The following EPB41L4B variants were observed in gnomAD, a reference collection of about 807,000 sequenced individuals.
EPB41L4B encodes band 4.1-like protein 4B.
Under a neutral mutation model 112.5 loss-of-function variants are expected in EPB41L4B, and 30 were observed. The observed-to-expected ratio is 0.27, with a 90% CI of 0.20 to 0.36. EPB41L4B has a LOEUF of 0.36. Among genes scored for constraint, EPB41L4B ranks in the 10% least tolerant of loss-of-function variants. The pLI, the probability that EPB41L4B is intolerant of heterozygous loss-of-function variation, is 1.00. For synonymous variants in EPB41L4B, 408 were observed against 439.7 expected (o/e 0.93, Z 0.90); for missense variants, 1,024 against 1,133.3 (o/e 0.90, Z 1.38).
At chr9:109,187,121 C>T (rs140031282) in intron 22 of EPB41L4B, among the ~76,000 whole-genome samples, 17 of 152,242 alleles carry the variant, frequency 1.1e-4, no homozygotes, top group African/African-American at 4.1e-4. Context: ...AGGGAGGGAC[C>T]ATTTGCTCCA....
At position 109,265,133 on chromosome 9, in the gene EPB41L4B, T is replaced by C. The variant is rs796964034; in HGVS notation, c.534-109A>G. 1.7e-4 allele frequency: 142 copies of C among 859,198 alleles called. No homozygotes were observed. In the African/African-American group the frequency reaches 2.3e-3, roughly 14 times the overall value. 53.2% of individuals were successfully genotyped at this position (859,198 alleles called of 1,614,324 possible). Reference sequence around the variant, plus strand: ...CCACACACAGCATGGAGTTTTGCATTGTAAAAAAGGAGTCCAAATCAAATG... The same window carrying C: ...CCACACACAGCATGGAGTTTTGCATCGTAAAAAAGGAGTCCAAATCAAATG... On this transcript the variant is annotated intron_variant, in intron 4 of 25. Transcript: ENST00000374566.
At position 109,216,946 on chromosome 9, in the gene EPB41L4B, T is replaced by C. The variant is rs376159236; in HGVS notation, c.1609A>G (p.Asn537Asp). Residue 537 changes from asparagine to aspartate, a missense_variant, in exon 16 of 26, where the codon AAC becomes GAC. Coordinates refer to ENST00000374566, the MANE Select transcript of EPB41L4B (RefSeq NM_019114.5). ...ENKEGPLRSP[N>D]SSSKSLTKLS... ...CTTGTAAGGGACTTGCTGCTGGAGTTTGGGGACCTCAGAGGCCCCTCTTTG... is the reference window on the plus strand; with the variant it reads ...CTTGTAAGGGACTTGCTGCTGGAGTCTGGGGACCTCAGAGGCCCCTCTTTG... 1.1e-4 allele frequency: 173 copies of C among 1,614,156 alleles called. 1 individual carries two copies. Among genetic ancestry groups the C allele is most frequent in the Middle Eastern group, 1.6e-4 (1 of 6,062 alleles).
At chr9:109,288,225 A>G (rs548811484) in intron 1 of EPB41L4B, among the ~76,000 whole-genome samples, 5 of 152,286 alleles carry the variant, frequency 3.3e-5, no homozygotes, top group African/African-American at 1.2e-4. Flanking sequence ...ATCCACAAGT[A>G]CCTCACCAGT....
chr9:109,267,234 G>A (rs974160714), intron 4 of EPB41L4B, among the ~76,000 whole-genome samples: 8 of 152,162 alleles, frequency 5.3e-5, no homozygotes, highest in Admixed American at 1.3e-4. Context: ...CAGGGTCCAA[G>A]AAAATAGAAG....
chr9:109,302,096 G>A (rs1342745173), intron 1 of EPB41L4B, among the ~76,000 whole-genome samples: 2 of 152,178 alleles, frequency 1.3e-5, no homozygotes, highest in African/African-American at 2.4e-5. Flanking sequence ...AAGGTAGACC[G>A]AAACTGGGTA....
intron 15 of EPB41L4B, among the ~76,000 whole-genome samples, chr9:109,221,774 A>G (rs770995403): frequency 6.6e-6 from 1 of 152,162 alleles, no homozygotes; most frequent in Non-Finnish European, 1.5e-5. Context: ...TGAACACCCA[A>G]AGGGAAAGAT....
At chr9:109,240,208 T>G in intron 15 of EPB41L4B, 11 of 985,358 alleles carry the variant, frequency 1.1e-5, no homozygotes, top group Non-Finnish European at 1.3e-5. Context: ...AAAAATGCTA[T>G]CAATAAGATG....
At chr9:109,249,923 A>G (rs974238716) in intron 13 of EPB41L4B, among the ~76,000 whole-genome samples, 26 of 152,194 alleles carry the variant, frequency 1.7e-4, no homozygotes, top group Non-Finnish European at 1.9e-4. Context: ...ATTTGGAATC[A>G]GAGATGCGAG....
At position 109,302,508 on chromosome 9, in the gene EPB41L4B, T is replaced by C. The variant is rs144094046; in HGVS notation, c.306+17633A>G. Among the ~76,000 whole-genome samples, 1,004 of 152,198 alleles carry C rather than the reference T, an allele frequency of 6.6e-3. 10 individuals are homozygous for C. The highest frequency in any genetic ancestry group is 0.023 in the African/African-American group (962 of 41,506). On this transcript the variant is annotated intron_variant, in intron 1 of 25. Coordinates refer to ENST00000374566, the MANE Select transcript of EPB41L4B (RefSeq NM_019114.5). ...GGGTTAGGACTTCAACAGATGAATT[T>C]GGGGAAAATGGAGGGGGCCACAATT...
chr9:109,316,229 G>A lies in EPB41L4B; in HGVS notation c.306+3912C>T, dbSNP rs534616807. On this transcript the variant is annotated intron_variant, in intron 1 of 25. Coordinates refer to ENST00000374566, the MANE Select transcript of EPB41L4B (RefSeq NM_019114.5). ...CTGGACCACAATGAGTCAATGTTGA[G>A]TTCCAGATGCAGGGGAGGCAAGTGC... 4.6e-5 allele frequency among the ~76,000 whole-genome samples: 7 copies of A among 152,372 alleles called. No homozygotes were observed. The South Asian group carries it at 1.2e-3, about 27-fold the overall frequency.
intron 24 of EPB41L4B, among the ~76,000 whole-genome samples, chr9:109,179,971 C>G (rs1588114617): frequency 6.6e-6 from 1 of 152,290 alleles, no homozygotes; most frequent in South Asian, 2.1e-4. Flanking sequence ...CTGCCCTGCT[C>G]AAAGTCCCTC....
chr9:109,216,039 T>C (rs1833354606), intron 16 of EPB41L4B, among the ~76,000 whole-genome samples: 1 of 152,204 alleles, frequency 6.6e-6, no homozygotes. Flanking sequence ...AGTAGACAGA[T>C]TGGATCTACC....
At chr9:109,221,403 A>G (rs1208948634) in intron 15 of EPB41L4B, among the ~76,000 whole-genome samples, 1 of 152,208 alleles carries the variant, frequency 6.6e-6, no homozygotes, top group East Asian at 1.9e-4. Context: ...GGGAGCTCAT[A>G]ACAGAGAAAA....
chr9:109,270,595 A>C (rs997705334), intron 2 of EPB41L4B, among the ~76,000 whole-genome samples: 2 of 152,246 alleles, frequency 1.3e-5, no homozygotes, highest in Non-Finnish European at 2.9e-5. Context: ...AATGGCTATG[A>C]CTAAAACTGT....
Position 109,273,362 on chromosome 9 carries a change from T to C in EPB41L4B, c.412-4929A>G, listed in dbSNP as rs149799723. 4.7e-4 allele frequency among the ~76,000 whole-genome samples: 72 copies of C among 152,210 alleles called. No homozygotes were observed. In the East Asian group the frequency reaches 0.011, roughly 23 times the overall value. On this transcript the variant is annotated intron_variant, in intron 2 of 25. Coordinates refer to ENST00000374566, the MANE Select transcript of EPB41L4B (RefSeq NM_019114.5). ...CCTGGGTTCAAGTGATTCTCCTGCC[T>C]CGGCCTCCCGAGTAGCTGGGGTTAC... is the stretch of plus-strand genomic sequence containing the variant.
At chr9:109,175,212 C>T (rs1193686138) in intron 25 of EPB41L4B, among the ~76,000 whole-genome samples, 1 of 151,878 alleles carries the variant, frequency 6.6e-6, no homozygotes, top group Non-Finnish European at 1.5e-5. Flanking sequence ...CCACCAAGCC[C>T]GGCCCTCAGT....
In EPB41L4B at chr9:109,247,221, G is replaced by A. The variant is rs545847424; in HGVS notation, c.1344+535C>T. ...CAGGGGCGTGAGAGGGGAGCAATTC[G>A]CAAATAATTTGGGGAAACAATACAT... On this transcript the variant is annotated intron_variant, in intron 14 of 25. Coordinates refer to ENST00000374566, the MANE Select transcript of EPB41L4B (RefSeq NM_019114.5). Among the ~76,000 whole-genome samples the A allele has an allele frequency of 2.7e-5, 4 of 149,210 alleles. No individual in the cohort carries two copies. In the Admixed American group the frequency reaches 2.7e-4, roughly 10 times the overall value.
At chr9:109,308,248 A>G (rs1837290141) in intron 1 of EPB41L4B, among the ~76,000 whole-genome samples, 1 of 152,098 alleles carries the variant, frequency 6.6e-6, no homozygotes, top group African/African-American at 2.4e-5. Context: ...CGAGGAAGAC[A>G]TTCAACAGCT....
At chr9:109,178,382 C>CTTTTTTTT (rs1397053185) in intron 24 of EPB41L4B, among the ~76,000 whole-genome samples, 3 of 142,092 alleles carry the variant, frequency 2.1e-5, no homozygotes, top group Non-Finnish European at 3.1e-5. Flanking sequence ...TGAGCAGTAT[C>CTTTTTTTT]TTCTTTTTTT....
Sources: allele counts gnomAD v4.1 joint callset (sites outside exome capture counted in the v4.1 genomes callset), GRCh38; gene constraint gnomAD v4.1.1; transcripts MANE v1.5; gene names NCBI Gene and HGNC (gene_info 2026-07-23, HGNC 2026-07-21).